Variants in NPM2 observed in about 807,000 individuals in gnomAD.
NPM2 encodes the protein nucleoplasmin-2.
A neutral mutation model predicts 32.0 loss-of-function variants in NPM2; 25 were observed. That is an observed-to-expected ratio of 0.78 (90% CI 0.57 to 1.09). NPM2 has a LOEUF of 1.09. Among genes scored for constraint, NPM2 ranks in the 50% least tolerant of loss-of-function variants. NPM2 has a pLI of 0.00. For synonymous variants in NPM2, 111 were observed against 94.2 expected (o/e 1.18, Z -1.04); for missense variants, 282 against 259.9 (o/e 1.08, Z -0.58).
chr8:22,036,070 G>A (rs914125742), intron 8 of NPM2, among the ~76,000 whole-genome samples: 39 of 152,014 alleles, frequency 2.6e-4, no homozygotes, highest in African/African-American at 9.2e-4. Flanking sequence ...GTACAAAATG[G>A]TTAATATTTT....
At chr8:22,036,043 T>C (rs1487059201) in intron 8 of NPM2, among the ~76,000 whole-genome samples, 1 of 152,116 alleles carries the variant, frequency 6.6e-6, no homozygotes, top group East Asian at 1.9e-4. Flanking sequence ...TATTTTCTTG[T>C]CTATTTGCTA....
intron 5 of NPM2, among the ~76,000 whole-genome samples, chr8:22,026,004 A>G (rs113373756): frequency 1.3e-5 from 2 of 152,092 alleles, no homozygotes; most frequent in African/African-American, 2.4e-5. Context: ...GGGGTCCCCA[A>G]CTGCCGGGTC....
chr8:22,033,443 T>A (rs111850527), intron 6 of NPM2, among the ~76,000 whole-genome samples: 3 of 152,304 alleles, frequency 2.0e-5, no homozygotes, highest in African/African-American at 7.2e-5. Context: ...CCCTCACTTG[T>A]AAACTTCAAA....
chr8:22,024,872 C>G (rs1418855843), intron 2 of NPM2, 42 bp downstream of exon 2: 1 of 225,816 alleles, frequency 4.4e-6, no homozygotes, highest in East Asian at 1.2e-4. Flanking sequence ...GCCGCGCGCA[C>G]ACCCCTTTCT....
At chr8:22,033,081 A>C in intron 5 of NPM2, 49 bp from the exon 6 acceptor site, 1 of 1,374,816 alleles carries the variant, frequency 7.3e-7, no homozygotes, top group Non-Finnish European at 1.0e-6. Flanking sequence ...AGTCCCCGAG[A>C]GGTGCCAGGC....
rs759979921 is a variant in NPM2 at position 22,034,159 on chromosome 8, G to A, written c.415G>A (p.Glu139Lys). 4 of 1,610,076 alleles carry A rather than the reference G, an allele frequency of 2.5e-6. No individual in the cohort carries two copies. Among genetic ancestry groups the A allele is most frequent in the Non-Finnish European group, 1.7e-6 (2 of 1,178,268 alleles). The change falls in exon 7 of 10, where the codon GAG becomes AAG. Residue 139 changes from glutamate (E) to lysine (K), a missense_variant. Glu to Lys is a moderately conservative substitution (Grantham distance 56, BLOSUM62 1). Coordinates refer to ENST00000518119, the MANE Select transcript of NPM2 (RefSeq NM_001286680.2). ...EEEEEEEGEEEEEEEEDDEDE... is the reference protein window; with the variant it reads ...EEEEEEEGEEKEEEEEDDEDE... ...GGAGGAGGAAGAAGAAGGGGAGGAG[G>A]AGGAAGAGGAAGAGGAAGATGATGA...
intron 2 of NPM2, 27 bp from the exon 3 acceptor site, chr8:22,025,189 G>A (rs940974566): frequency 1.9e-6 from 3 of 1,575,566 alleles, no homozygotes; most frequent in African/African-American, 2.7e-5. Flanking sequence ...CAGGGAGCAA[G>A]GCCTCACGCG....
chr8:22,025,359 G>A (rs959075610), intron 3 of NPM2, 53 bp downstream of exon 3: 9 of 1,599,516 alleles, frequency 5.6e-6, no homozygotes, highest in East Asian at 2.2e-5. Context: ...TCCGGTGCGC[G>A]GCAGCTTGGG....
chr8:22,025,845 C>T, intron 5 of NPM2, 73 bp downstream of exon 5: 2 of 1,598,714 alleles, frequency 1.3e-6, no homozygotes, highest in East Asian at 2.2e-5. Flanking sequence ...TGGACACACA[C>T]GAGGGTGCAT....
rs760518316 is a variant in NPM2 at position 22,034,190 on chromosome 8, A to G, written c.446A>G (p.Glu149Gly). The change falls in exon 7 of 10, where the codon GAG becomes GGG. Residue 149 changes from glutamate (E) to glycine (G), a missense_variant. Coordinates refer to ENST00000518119, the MANE Select transcript of NPM2 (RefSeq NM_001286680.2). ...EEEEEEDDED[E>G]DADISLEEQS... Reference sequence around the variant, plus strand: ...GAGGAAGAGGAAGATGATGAGGATGAGGATGCAGATATATCTCTGGAGGAG... The same window carrying G: ...GAGGAAGAGGAAGATGATGAGGATGGGGATGCAGATATATCTCTGGAGGAG... The G allele has an allele frequency of 4.8e-5, 77 of 1,613,010 alleles. No individual in the cohort carries two copies. The highest frequency in any genetic ancestry group is 3.5e-4 in the Middle Eastern group (2 of 5,778).
intron 8 of NPM2, 91 bp from the exon 9 acceptor site, chr8:22,036,402 G>T (rs1028310251): frequency 5.3e-6 from 7 of 1,318,072 alleles, no homozygotes; most frequent in Non-Finnish European, 7.3e-6. Context: ...TGCTTTCCAG[G>T]GTGGGCACTG....
chr8:22,025,297 G>A lies in NPM2; in HGVS notation c.49G>A (p.Val17Met), dbSNP rs767833805. ...CACGGAGGAAAAGGCAGTGACGACC[G>A]TGCTCTGGGGTGAGTGGGGACTCAG... ...SSTEEKAVTTVLWGCELSQER... is the reference protein window; with the variant it reads ...SSTEEKAVTTMLWGCELSQER... Residue 17 changes from valine (V) to methionine (M), a missense_variant, in exon 3 of 10, where the codon GTG (valine) becomes ATG (methionine). Val to Met is a conservative substitution (Grantham distance 21). Coordinates refer to ENST00000518119, the MANE Select transcript of NPM2 (RefSeq NM_001286680.2). 4 of 1,608,310 alleles carry A rather than the reference G, an allele frequency of 2.5e-6. No homozygotes were observed. Among genetic ancestry groups the A allele is most frequent in the East Asian group, 2.2e-5 (1 of 44,668 alleles).
chr8:22,034,095 C>G lies in NPM2; in HGVS notation c.365-14C>G. ...TGAAGCTGTGCCCCTGCATCCTTTC[C>G]CATGCTATTACAGAAGCATCAGACC... On this transcript the variant is annotated splice_polypyrimidine_tract_variant and intron_variant, in intron 6 of 9. Transcript: ENST00000518119. The G allele has an allele frequency of 1.9e-6, 3 of 1,571,826 alleles. No individual in the cohort carries two copies. Among genetic ancestry groups the G allele is most frequent in the Non-Finnish European group, 1.7e-6 (2 of 1,160,868 alleles).
At chr8:22,025,011 G>A (rs1585504019) in intron 2 of NPM2, 181 bp downstream of exon 2, 2 of 539,834 alleles carry the variant, frequency 3.7e-6, no homozygotes, top group East Asian at 3.3e-5. Flanking sequence ...TGTCCTGTAC[G>A]CGCCCGGTCG....
chr8:22,026,721 C>T (rs551617914), intron 5 of NPM2, among the ~76,000 whole-genome samples: 6 of 152,318 alleles, frequency 3.9e-5, no homozygotes, highest in African/African-American at 1.2e-4. Flanking sequence ...TCCCGAAGTG[C>T]TGGGATTACA....
At chr8:22,032,775 G>A (rs902197402) in intron 5 of NPM2, among the ~76,000 whole-genome samples, 7 of 152,010 alleles carry the variant, frequency 4.6e-5, no homozygotes, top group African/African-American at 1.5e-4. Flanking sequence ...TGAGGGTCCT[G>A]CCCTCATGAC....
intron 5 of NPM2, among the ~76,000 whole-genome samples, chr8:22,028,563 C>G (rs1018521698): frequency 2.0e-5 from 3 of 150,280 alleles, no homozygotes; most frequent in Non-Finnish European, 4.4e-5. Context: ...CTTCTGACTT[C>G]AAGTGATCCA....
At chr8:22,032,412 C>T (rs1800470559) in intron 5 of NPM2, among the ~76,000 whole-genome samples, 1 of 152,120 alleles carries the variant, frequency 6.6e-6, no homozygotes, top group Non-Finnish European at 1.5e-5. Context: ...GGTGTGCCTC[C>T]CACAAACCTG....
At position 22,025,296 on chromosome 8, in the gene NPM2, C is replaced by A; in HGVS notation, c.48C>A (p.Thr16=). Residue 16 remains threonine (T), a synonymous_variant, in exon 3 of 10, where the codon ACC becomes ACA. Coordinates refer to ENST00000518119, the MANE Select transcript of NPM2 (RefSeq NM_001286680.2). ...GCACGGAGGAAAAGGCAGTGACGAC[C>A]GTGCTCTGGGGTGAGTGGGGACTCA... is the stretch of plus-strand genomic sequence containing the variant. ...ASSTEEKAVT[T]VLWGCELSQE... The A allele has an allele frequency of 6.2e-7, 1 of 1,610,064 alleles. No individual in the cohort carries two copies. Among genetic ancestry groups the A allele is most frequent in the Non-Finnish European group, 8.5e-7 (1 of 1,178,586 alleles).
Sources: gnomAD v4.1 joint callset for allele counts (sites outside exome capture counted in the v4.1 genomes callset) on GRCh38, gnomAD v4.1.1 for gene constraint, MANE v1.5 for transcripts, NCBI Gene and HGNC (gene_info 2026-07-23, HGNC 2026-07-21) for gene names.